YBX3: variants seen among roughly 807,000 people sequenced by gnomAD.
YBX3 encodes the protein Y-box-binding protein 3.
In YBX3, 29 loss-of-function variants were observed where a neutral mutation model predicts 42.4. The ratio of observed to expected loss-of-function variants is 0.68; its 90% CI spans 0.51 to 0.93. YBX3 has a LOEUF of 0.93. YBX3 is among the 40% of genes least tolerant of loss of function. The pLI is 0.00. For synonymous variants in YBX3, 195 were observed against 189.8 expected (o/e 1.03, Z -0.22); for missense variants, 517 against 527.5 (o/e 0.98, Z 0.19).
At chr12:10,716,637 G>A (rs1053216439) in intron 3 of YBX3, among the ~76,000 whole-genome samples, 3 of 152,126 alleles carry the variant, frequency 2.0e-5, no homozygotes, top group Non-Finnish European at 4.4e-5. Flanking sequence ...AAAGGGGCTT[G>A]CGTTTCTATG....
At position 10,709,606 on chromosome 12, in the gene YBX3, T is replaced by A. The variant is rs142037675; in HGVS notation, c.780+302A>T. Among the ~76,000 whole-genome samples, 32 of 152,272 alleles carry A rather than the reference T, an allele frequency of 2.1e-4. 1 individual carries two copies. The East Asian group carries it at 6.2e-3, about 29-fold the overall frequency. On this transcript the variant is annotated intron_variant, in intron 6 of 9. Transcript: ENST00000228251. ...ATTCAAATCCAGCCTGACTTCAGAGTCCAAGCTCTTACACATTCCACCTGT... is the reference window on the plus strand; with the variant it reads ...ATTCAAATCCAGCCTGACTTCAGAGACCAAGCTCTTACACATTCCACCTGT...
At chr12:10,717,934 TA>T (rs1948280976) in intron 3 of YBX3, 153 bp downstream of exon 3, 1 of 527,478 alleles carries the variant, frequency 1.9e-6, no homozygotes, top group Non-Finnish European at 3.2e-6. Flanking sequence ...TTGCCAATCT[TA>T]AAATGTGGAA....
intron 4 of YBX3, among the ~76,000 whole-genome samples, chr12:10,714,463 C>T (rs916690685): frequency 4.6e-5 from 7 of 152,120 alleles, no homozygotes; most frequent in African/African-American, 1.4e-4. Context: ...ATTACAGACA[C>T]GGAATTAAAT....
intron 5 of YBX3, chr12:10,710,455 G>C (rs548581364): frequency 8.2e-7 from 1 of 1,217,960 alleles, no homozygotes; most frequent in South Asian, 1.6e-5. Flanking sequence ...CATCAAATGC[G>C]TGTCTCCCAG....
At chr12:10,702,711 A>G (rs1319381095) in intron 7 of YBX3, 2 of 152,192 alleles carry the variant, frequency 1.3e-5, no homozygotes, top group African/African-American at 2.4e-5. Flanking sequence ...AGGCCCTTTG[A>G]TAAGCACTAA....
intron 4 of YBX3, 151 bp downstream of exon 4, chr12:10,715,543 T>TA (rs112162659): frequency 0.06 from 34,439 of 571,534 alleles, no homozygotes; most frequent in East Asian, 0.084. Flanking sequence ...GACCCCATCT[T>TA]AAAAAAAAAA....
chr12:10,718,511 C>CCCCCCA, intron 2 of YBX3: 1 of 182,816 alleles, frequency 5.5e-6, no homozygotes, highest in African/African-American at 2.4e-5. Flanking sequence ...CTTAAAACAG[C>CCCCCCA]CCCCCACCCC....
rs1296807798 is a variant in YBX3 at position 10,722,840 on chromosome 12, C to A, written c.262+10G>T. 2.7e-6 allele frequency: 4 copies of A among 1,476,230 alleles called. No homozygotes were observed. In the African/African-American group the frequency reaches 4.4e-5, roughly 16 times the overall value. 91.4% of individuals were successfully genotyped at this position (1,476,230 alleles called of 1,614,324 possible). A position where few individuals can be genotyped will look rare whatever the true frequency, so the allele number is the denominator to read the frequency against. On this transcript the variant is annotated intron_variant, in intron 1 of 9. Coordinates refer to ENST00000228251, the MANE Select transcript of YBX3 (RefSeq NM_003651.5). ...CTACGGCAGCCCCTGCCCTCCCTGG[C>A]CTGACTCACCGAGAACTTTTTTCTC...
In YBX3 at chr12:10,702,000, C is replaced by T. The variant is rs932464045; in HGVS notation, c.1013G>A (p.Arg338His). 13 of 1,613,688 alleles carry T rather than the reference C, an allele frequency of 8.1e-6. No individual in the cohort carries two copies. Among genetic ancestry groups the T allele is most frequent in the African/African-American group, 4.0e-5 (3 of 74,910 alleles). Residue 338 changes from arginine to histidine, a missense_variant, in exon 8 of 10, where the codon CGC becomes CAC. By Grantham distance (29) the Arg-to-His change is conservative. Transcript: ENST00000228251. ...GYRRPYNYRR[R>H]PRPPNAPSQD... The stretch of plus-strand genomic sequence containing the variant: ...TGAAGGAGCGTTAGGAGGACGCGGG[C>T]GACGCCGGTAATTGTAGGGACGCCG...
In YBX3 at chr12:10,701,975, T is replaced by G; in HGVS notation, c.1038A>C (p.Ser346=). 6.2e-7 allele frequency: 1 copy of G among 1,612,630 alleles called. No individual in the cohort carries two copies. ...RRRPRPPNAP[S]QDGKEAKAGE... The stretch of plus-strand genomic sequence containing the variant: ...TTGGATTTACCTCTTTGCCATCTTG[T>G]GAAGGAGCGTTAGGAGGACGCGGGC... The change falls in exon 8 of 10, where the codon TCA becomes TCC. Residue 346 remains serine, a synonymous_variant. Transcript: ENST00000228251.
In YBX3 at chr12:10,722,829, G is replaced by A. The variant is rs368743648; in HGVS notation, c.262+21C>T. ...GGCCCGCCCCACTACGGCAGCCCCT[G>A]CCCTCCCTGGCCTGACTCACCGAGA... On this transcript the variant is annotated intron_variant, in intron 1 of 9. Coordinates refer to ENST00000228251, the MANE Select transcript of YBX3 (RefSeq NM_003651.5). The A allele has an allele frequency of 2.0e-4, 286 of 1,447,194 alleles. No homozygotes were observed. In the East Asian group the frequency reaches 3.6e-3, roughly 18 times the overall value. The allele number at this position is 1,447,194 out of a possible 1,614,324, so 89.6% of individuals were successfully genotyped here.
At chr12:10,713,045 A>G in intron 5 of YBX3, 166 bp downstream of exon 5, 1 of 941,460 alleles carries the variant, frequency 1.1e-6, no homozygotes, top group South Asian at 2.0e-5. Context: ...TCAATAATAC[A>G]CATTTTAAAA....
rs527272689 is a variant in YBX3 at position 10,699,298 on chromosome 12, A to G, written c.*391T>C. 6.6e-6 allele frequency: 1 copy of G among 152,590 alleles called. No homozygotes were observed. Among genetic ancestry groups the G allele is most frequent in the East Asian group, 1.9e-4 (1 of 5,190 alleles). 9.5% of individuals were successfully genotyped at this position (152,590 alleles called of 1,614,324 possible). On this transcript the variant is annotated 3_prime_UTR_variant, in exon 10 of 10. Transcript: ENST00000228251. Reference sequence around the variant, plus strand: ...AAACGGAAAAAAAAGCATTTACTATATATTTCAGATTTCTTTGGTTGGGGT... The same window carrying G: ...AAACGGAAAAAAAAGCATTTACTATGTATTTCAGATTTCTTTGGTTGGGGT...
rs1437022403 is a variant in YBX3, at chr12:10,701,180, T to C, written c.*34+74A>G. ...AACTGCAGAACTAGTTTAGACTAAT[T>C]TGTACTCTTGTTGAGAAACCAGTGA... On this transcript the variant is annotated intron_variant, in intron 9 of 9. Transcript: ENST00000228251. 5.5e-6 allele frequency: 4 copies of C among 731,012 alleles called. No homozygotes were observed. The African/African-American group carries it at 7.0e-5, about 13-fold the overall frequency. 45.3% of individuals were successfully genotyped at this position (731,012 alleles called of 1,614,324 possible).
chr12:10,701,258 C>T lies in YBX3; in HGVS notation c.*30G>A, dbSNP rs369517665. 9 of 778,366 alleles carry T rather than the reference C, an allele frequency of 1.2e-5. No individual in the cohort carries two copies. The highest frequency in any genetic ancestry group is 2.7e-5 in the South Asian group (2 of 74,130). The allele number at this position is 778,366 out of a possible 1,614,324, so 48.2% of individuals were successfully genotyped here. A position where few individuals can be genotyped will look rare whatever the true frequency, so the allele number is the denominator to read the frequency against. The stretch of plus-strand genomic sequence containing the variant: ...CTGGGCTGCCCCAGCTCTTACCTGC[C>T]GATGGTGAAGGTGCCTGAGGAGCCT... On this transcript the variant is annotated 3_prime_UTR_variant, in exon 9 of 10. Coordinates refer to ENST00000228251, the MANE Select transcript of YBX3 (RefSeq NM_003651.5).
intron 5 of YBX3, chr12:10,710,832 T>A (rs1948192154): frequency 5.7e-6 from 1 of 175,734 alleles, no homozygotes. Flanking sequence ...ATTTAAATAT[T>A]TTTTTTCCAT....
intron 5 of YBX3, chr12:10,711,017 CCTAAGGCATGA>C (rs1259294991): frequency 6.5e-6 from 1 of 153,638 alleles, no homozygotes; most frequent in Non-Finnish European, 1.4e-5. Flanking sequence ...GAACCACTGA[CCTAAGGCATGA>C]CTCCCTTTAT....
intron 3 of YBX3, among the ~76,000 whole-genome samples, chr12:10,716,365 T>C (rs1335777700): frequency 6.6e-6 from 1 of 152,164 alleles, no homozygotes; most frequent in East Asian, 1.9e-4. Context: ...ATGGGGGAAG[T>C]GGAGGAGGGG....
intron 4 of YBX3, 150 bp downstream of exon 4, chr12:10,715,544 A>T (rs1363152046): frequency 1.3e-4 from 27 of 205,232 alleles, no homozygotes; most frequent in South Asian, 1.0e-3. Context: ...ACCCCATCTT[A>T]AAAAAAAAAA....
Sources: gnomAD v4.1 joint callset for allele counts (sites outside exome capture counted in the v4.1 genomes callset) on GRCh38, gnomAD v4.1.1 for gene constraint, MANE v1.5 for transcripts, NCBI Gene and HGNC (gene_info 2026-07-23, HGNC 2026-07-21) for gene names.